The following STXBP6 variants were observed in gnomAD, a reference collection of about 807,000 sequenced individuals.
STXBP6 encodes the protein syntaxin binding protein 6, also known as syntaxin-binding protein 6.
In STXBP6, 21 loss-of-function variants were observed where a neutral mutation model predicts 26.9. The ratio of observed to expected loss-of-function variants is 0.78; its 90% confidence interval spans 0.55 to 1.12. The LOEUF is 1.12. STXBP6 is among the 50% of genes most tolerant of loss of function. STXBP6 has a pLI of 0.00. For synonymous variants in STXBP6, 97 were observed against 92.6 expected (o/e 1.05, Z -0.27); for missense variants, 232 against 257.9 (o/e 0.90, Z 0.69).
intron 4 of STXBP6, among the ~76,000 whole-genome samples, chr14:24,835,997 G>T (rs1395914854): frequency 6.6e-6 from 1 of 152,198 alleles, no homozygotes; most frequent in Non-Finnish European, 1.5e-5. Context: ...TGACTATTAG[G>T]GGGACCAGAA....
intron 2 of STXBP6, among the ~76,000 whole-genome samples, chr14:24,910,994 C>T (rs967018273): frequency 1.3e-5 from 2 of 152,074 alleles, no homozygotes; most frequent in African/African-American, 4.8e-5. Context: ...AACATTAAAG[C>T]TCGATATGCT....
In STXBP6 at chr14:24,903,211, TTTTGA is replaced by T. The variant is rs529720352; in HGVS notation, c.155-46059_155-46055del. Among the ~76,000 whole-genome samples, 523 of 152,308 alleles carry T rather than the reference TTTTGA, an allele frequency of 3.4e-3. 2 individuals are homozygous for T. The highest frequency in any genetic ancestry group is 0.01 in the Middle Eastern group (3 of 294). ...TAGAGCTCGCATTTTTGGTGTTTGC[TTTTGA>T]TTTGATTATTCTCTGTTTTGTTTGT... On this transcript the variant is annotated intron_variant, in intron 2 of 5. Transcript: ENST00000323944.
intron 1 of STXBP6, among the ~76,000 whole-genome samples, chr14:25,002,141 G>A (rs1180909328): frequency 6.6e-6 from 1 of 152,136 alleles, no homozygotes; most frequent in Non-Finnish European, 1.5e-5. Context: ...GATACTTCAT[G>A]AGGACATTCT....
intron 4 of STXBP6, among the ~76,000 whole-genome samples, chr14:24,835,833 C>T (rs1463323136): frequency 6.6e-6 from 1 of 152,214 alleles, no homozygotes; most frequent in East Asian, 1.9e-4. Context: ...TTCCTTTTCT[C>T]TTACCTAAAA....
intron 1 of STXBP6, among the ~76,000 whole-genome samples, chr14:24,993,432 C>A (rs1051944724): frequency 6.6e-6 from 1 of 152,196 alleles, no homozygotes; most frequent in African/African-American, 2.4e-5. Context: ...CATCTACCCG[C>A]TTCTCTTTCT....
At chr14:24,982,621 A>T (rs1179991782) in intron 1 of STXBP6, among the ~76,000 whole-genome samples, 2 of 152,222 alleles carry the variant, frequency 1.3e-5, no homozygotes, top group Admixed American at 1.3e-4. Flanking sequence ...TTCCCTGTAC[A>T]TACTAACTCT....
intron 1 of STXBP6, among the ~76,000 whole-genome samples, chr14:25,046,795 G>T (rs2075734912): frequency 6.6e-6 from 1 of 152,178 alleles, no homozygotes; most frequent in Admixed American, 6.5e-5. Context: ...AAGAGCTTAA[G>T]ATTGGGTTAG....
chr14:24,885,065 G>C (rs1595043021), intron 2 of STXBP6, among the ~76,000 whole-genome samples: 1 of 152,262 alleles, frequency 6.6e-6, no homozygotes, highest in South Asian at 2.1e-4. Context: ...AAGCAAGGAT[G>C]ATACACCTAT....
intron 1 of STXBP6, among the ~76,000 whole-genome samples, chr14:25,012,163 T>C (rs1595312666): frequency 1.3e-5 from 2 of 152,088 alleles, no homozygotes; most frequent in South Asian, 4.2e-4. Flanking sequence ...TTAAAAAAAA[T>C]GGAGCTAATT....
chr14:24,956,561 T>C (rs2073351133), intron 2 of STXBP6, among the ~76,000 whole-genome samples: 1 of 152,170 alleles, frequency 6.6e-6, no homozygotes, highest in Non-Finnish European at 1.5e-5. Flanking sequence ...GCACTCAGCT[T>C]AAGCCATCCC....
At chr14:24,956,175 T>G (rs1349337916) in intron 2 of STXBP6, among the ~76,000 whole-genome samples, 2 of 151,486 alleles carry the variant, frequency 1.3e-5, no homozygotes, top group Admixed American at 6.6e-5. Flanking sequence ...TCAATGGAAT[T>G]AAGGGAGAAA....
intron 1 of STXBP6, among the ~76,000 whole-genome samples, chr14:25,034,698 A>G (rs1482330446): frequency 6.6e-6 from 1 of 152,226 alleles, no homozygotes; most frequent in Admixed American, 6.5e-5. Context: ...CCTAATTAAA[A>G]GAGTTGAAAG....
chr14:24,930,152 C>G (rs1416387732), intron 2 of STXBP6, among the ~76,000 whole-genome samples: 1 of 152,212 alleles, frequency 6.6e-6, no homozygotes, highest in Non-Finnish European at 1.5e-5. Context: ...TAAGTGGTAA[C>G]ATATTGCTCA....
At chr14:25,031,390 T>C (rs1001727462) in intron 1 of STXBP6, among the ~76,000 whole-genome samples, 3 of 152,158 alleles carry the variant, frequency 2.0e-5, no homozygotes, top group Non-Finnish European at 4.4e-5. Context: ...TTCTCACCTG[T>C]AAAACAGAGG....
chr14:25,013,738 CAAAA>C (rs1246293987), intron 1 of STXBP6, among the ~76,000 whole-genome samples: 2 of 87,192 alleles, frequency 2.3e-5, no homozygotes. Context: ...TCCCATTTGA[CAAAA>C]AAAAAAAAAA....
chr14:24,961,454 A>C (rs889773874), intron 2 of STXBP6, among the ~76,000 whole-genome samples: 9 of 92,500 alleles, frequency 9.7e-5, no homozygotes, highest in African/African-American at 5.0e-4. Flanking sequence ...CTAAAAACAA[A>C]AAAAAAAAAA....
At chr14:24,852,281 T>C (rs1461642) in intron 4 of STXBP6, among the ~76,000 whole-genome samples, 30,046 of 152,104 alleles carry the variant, frequency 0.2, 3,817 homozygotes, top group Admixed American at 0.37. Context: ...AATCAGGTCA[T>C]TGTGACTATG....
At chr14:24,848,987 G>C (rs182164217) in intron 4 of STXBP6, among the ~76,000 whole-genome samples, 4 of 152,158 alleles carry the variant, frequency 2.6e-5, no homozygotes, top group Non-Finnish European at 2.9e-5. Context: ...CCCTAATAGT[G>C]CTCAGCCAAT....
At chr14:25,028,007 C>A (rs1427738385) in intron 1 of STXBP6, among the ~76,000 whole-genome samples, 2 of 152,154 alleles carry the variant, frequency 1.3e-5, no homozygotes, top group African/African-American at 4.8e-5. Context: ...AGAAAAAAAG[C>A]TGGAAGCTAG....
Sources: allele counts gnomAD v4.1 joint callset (sites outside exome capture counted in the v4.1 genomes callset), GRCh38; gene constraint gnomAD v4.1.1; transcripts MANE v1.5; gene names NCBI Gene and HGNC (gene_info 2026-07-23, HGNC 2026-07-21).